LIX1: variants seen among roughly 807,000 people sequenced by gnomAD.
The protein encoded by LIX1 is protein limb expression 1 homolog.
LIX1 carries 24 observed loss-of-function variants against 33.4 expected under a neutral mutation model. That is an observed-to-expected ratio of 0.72 (90% CI 0.52 to 1.01). The LOEUF is 1.01. Ranked by LOEUF, LIX1 falls within the 50% of genes least tolerant of loss-of-function variation. LIX1 has a pLI of 0.00. For synonymous variants in LIX1, 124 were observed against 124.0 expected, an observed-to-expected ratio of 1.00 and a Z score of 0.00; for missense variants, 311 against 339.2, an observed-to-expected ratio of 0.92 and a Z score of 0.65.
intron 2 of LIX1, among the ~76,000 whole-genome samples, chr5:97,110,679 G>A (rs1294419449): frequency 6.6e-6 from 1 of 152,106 alleles, no homozygotes; most frequent in Non-Finnish European, 1.5e-5. Context: ...CCCAACCTCA[G>A]GTGATCCGCC....
At chr5:97,123,713 A>T (rs1747841561) in intron 2 of LIX1, among the ~76,000 whole-genome samples, 2 of 152,172 alleles carry the variant, frequency 1.3e-5, no homozygotes, top group South Asian at 4.1e-4. Context: ...AAGTATGAAG[A>T]TCTCTTATGG....
chr5:97,110,334 CCAAA>C (rs879714518), intron 2 of LIX1, among the ~76,000 whole-genome samples: 37 of 152,140 alleles, frequency 2.4e-4, no homozygotes, highest in Non-Finnish European at 4.0e-4. Flanking sequence ...CAAAAACCAA[CCAAA>C]CAAACAACAT....
chr5:97,140,802 A>G (rs955543054), intron 1 of LIX1, among the ~76,000 whole-genome samples: 6 of 152,190 alleles, frequency 3.9e-5, no homozygotes, highest in African/African-American at 1.4e-4. Context: ...TTTAATATTC[A>G]CGTCTATTAA....
chr5:97,141,529 C>A (rs925378229), intron 1 of LIX1, among the ~76,000 whole-genome samples: 1 of 152,118 alleles, frequency 6.6e-6, no homozygotes, highest in Non-Finnish European at 1.5e-5. Flanking sequence ...TATGAGAAAT[C>A]TAAGCTAAGA....
At chr5:97,121,452 T>C (rs1747784157) in intron 2 of LIX1, among the ~76,000 whole-genome samples, 1 of 152,320 alleles carries the variant, frequency 6.6e-6, no homozygotes, top group African/African-American at 2.4e-5. Context: ...TCTCCTGTAC[T>C]GTCTTCCATC....
At chr5:97,140,472 C>T (rs1412667890) in intron 1 of LIX1, among the ~76,000 whole-genome samples, 1 of 152,156 alleles carries the variant, frequency 6.6e-6, no homozygotes, top group African/African-American at 2.4e-5. Flanking sequence ...ACCTGCCATT[C>T]AAGGCTGGTG....
intron 1 of LIX1, among the ~76,000 whole-genome samples, chr5:97,133,871 AC>A (rs1423978129): frequency 1.3e-5 from 2 of 152,192 alleles, no homozygotes; most frequent in Admixed American, 1.3e-4. Context: ...GAAAGTAGAA[AC>A]CATATAGTTC....
chr5:97,099,787 C>T (rs938345786), intron 4 of LIX1, among the ~76,000 whole-genome samples: 14 of 152,116 alleles, frequency 9.2e-5, no homozygotes, highest in Admixed American at 1.3e-4. Context: ...CAGTCAGCTG[C>T]GATCGCGATA....
intron 1 of LIX1, among the ~76,000 whole-genome samples, chr5:97,139,972 G>T (rs994882781): frequency 2.5e-4 from 38 of 152,210 alleles, no homozygotes; most frequent in African/African-American, 7.5e-4. Flanking sequence ...TTCTTTAAAT[G>T]AATGTAACTA....
intron 2 of LIX1, among the ~76,000 whole-genome samples, chr5:97,108,613 A>G (rs1355143962): frequency 6.6e-6 from 1 of 152,094 alleles, no homozygotes; most frequent in African/African-American, 2.4e-5. Flanking sequence ...CCTCTCTCCT[A>G]CAGGCTCCTG....
intron 1 of LIX1, among the ~76,000 whole-genome samples, chr5:97,134,397 G>A (rs1748128366): frequency 6.6e-6 from 1 of 152,252 alleles, no homozygotes; most frequent in Admixed American, 6.5e-5. Flanking sequence ...TGGGATTATA[G>A]GCGTGAGCCA....
intron 4 of LIX1, among the ~76,000 whole-genome samples, chr5:97,101,431 T>G (rs1478728740): frequency 6.6e-6 from 1 of 152,198 alleles, no homozygotes; most frequent in African/African-American, 2.4e-5. Context: ...CTTGAAATTC[T>G]TGGTAATTTT....
At position 97,093,123 on chromosome 5, in the gene LIX1, T is replaced by G. The variant is rs559184373; in HGVS notation, c.*1625A>C. 2 of 152,426 alleles carry G rather than the reference T, an allele frequency of 1.3e-5. No homozygotes were observed. Among genetic ancestry groups the G allele is most frequent in the East Asian group, 3.8e-4 (2 of 5,298 alleles). The allele number at this position is 152,426 out of a possible 1,614,324, so 9.4% of individuals were successfully genotyped here. A position where few individuals can be genotyped will look rare whatever the true frequency, so the allele number is the denominator to read the frequency against. On this transcript the variant is annotated 3_prime_UTR_variant, in exon 6 of 6. Transcript: ENST00000274382. ...AATTGTTCCCCTGGTGTGAGATATG[T>G]GATACATGATAATCTTTTATTATCA...
intron 3 of LIX1, 109 bp downstream of exon 3, chr5:97,107,251 T>A (rs921274670): frequency 8.9e-7 from 1 of 1,119,232 alleles, no homozygotes; most frequent in Non-Finnish European, 1.3e-6. Flanking sequence ...AAAAATTGAA[T>A]CTACAGAATT....
chr5:97,142,365 T>C, intron 1 of LIX1, 130 bp downstream of exon 1: 1 of 639,440 alleles, frequency 1.6e-6, no homozygotes, highest in Non-Finnish European at 2.7e-6. Flanking sequence ...CAGGAACAAG[T>C]TAAAATATCA....
Position 97,094,771 on chromosome 5 carries a change from TA to T in LIX1, c.825del (p.Thr276ArgfsTer103). 6.8e-6 allele frequency: 11 copies of T among 1,614,104 alleles called. No individual in the cohort carries two copies. The highest frequency in any genetic ancestry group is 1.1e-5 in the South Asian group (1 of 91,078). ...TSSPSDDQLSLTALCGYH is the reference protein window; with the variant it reads ...TSSPSDDQLSXTALCGYH ...TGCTAGTGATAGCCACACAGGGCCG[TA>T]AGGCTCAGCTGATCATCACTGGGTG... On this transcript the variant is annotated frameshift_variant, in exon 6 of 6. Transcript: ENST00000274382. LOFTEE classifies it high-confidence loss of function.
chr5:97,095,520 A>G (rs7714632), intron 5 of LIX1, among the ~76,000 whole-genome samples: 10 of 152,332 alleles, frequency 6.6e-5, no homozygotes, highest in Middle Eastern at 3.4e-3. Context: ...TCAGAGTATC[A>G]TTTAGAAACC....
At chr5:97,128,054 A>G (rs1440619688) in intron 1 of LIX1, among the ~76,000 whole-genome samples, 2 of 152,230 alleles carry the variant, frequency 1.3e-5, no homozygotes, top group Admixed American at 6.5e-5. Context: ...CCATCAATCA[A>G]TTAAATGAAA....
rs181591147 is a variant in LIX1 at position 97,111,975 on chromosome 5, G to A, written c.247-4475C>T. On this transcript the variant is annotated intron_variant, in intron 2 of 5. Coordinates refer to ENST00000274382, the MANE Select transcript of LIX1 (RefSeq NM_153234.5). ...AATGTACAGAATCTTTGCTTAAAAC[G>A]GGGGAGAAAGTGTTCCAATTAATAA... 5.3e-5 allele frequency among the ~76,000 whole-genome samples: 8 copies of A among 152,284 alleles called. No homozygotes were observed. In the East Asian group the frequency reaches 1.2e-3, roughly 22 times the overall value.
Sources: allele counts gnomAD v4.1 joint callset (sites outside exome capture counted in the v4.1 genomes callset), GRCh38; gene constraint gnomAD v4.1.1; transcripts MANE v1.5; gene names NCBI Gene and HGNC (gene_info 2026-07-23, HGNC 2026-07-21).